The following CNNM4 variants were observed in gnomAD, a reference collection of about 807,000 sequenced individuals.
CNNM4 encodes cyclin and CBS domain divalent metal cation transport mediator 4.
Under a neutral mutation model 53.7 loss-of-function variants are expected in CNNM4, and 32 were observed. That is an observed-to-expected ratio of 0.60 (90% CI 0.45 to 0.80). The LOEUF is 0.80. Ranked by LOEUF, CNNM4 falls within the 30% of genes least tolerant of loss-of-function variation. The pLI, the probability that CNNM4 is intolerant of heterozygous loss-of-function variation, is 0.00. For synonymous variants in CNNM4, 410 were observed against 440.0 expected, an observed-to-expected ratio of 0.93 and a Z score of 0.85; for missense variants, 784 against 1,022.0, an observed-to-expected ratio of 0.77 and a Z score of 3.17.
intron 1 of CNNM4, among the ~76,000 whole-genome samples, chr2:96,771,888 G>A (rs758360225): frequency 1.3e-5 from 2 of 152,202 alleles, no homozygotes; most frequent in Non-Finnish European, 2.9e-5. Context: ...GTGCGCCTCT[G>A]CGGGAAGGTG....
intron 1 of CNNM4, among the ~76,000 whole-genome samples, chr2:96,769,110 G>A (rs940972398): frequency 6.6e-6 from 1 of 152,158 alleles, no homozygotes; most frequent in African/African-American, 2.4e-5. Context: ...AATTAGCTGG[G>A]TGTGGTGGTG....
chr2:96,777,614 C>A (rs1216833493), intron 1 of CNNM4, among the ~76,000 whole-genome samples: 1 of 152,126 alleles, frequency 6.6e-6, no homozygotes, highest in East Asian at 1.9e-4. Flanking sequence ...GATTCTCCTG[C>A]CTTAGCCTCC....
chr2:96,797,153 A>G lies in CNNM4; in HGVS notation c.1544A>G (p.Tyr515Cys), dbSNP rs377732004. Residue 515 changes from tyrosine to cysteine, a missense_variant and splice_region_variant, in exon 2 of 7, where the codon TAC (tyrosine) becomes TGC (cysteine). By Grantham distance (194) the Tyr-to-Cys change is radical. Transcript: ENST00000377075. The surrounding 1 kb of genome is among the most constrained non-coding windows in gnomAD (Gnocchi z 6.0). ...GAGATCCTGGACGAGTCCGACATGT[A>G]CAGTGAGTCCAGCCTTCCACAGGGC... ...KSEILDESDM[Y>C]TDNRSRKRVS... The G allele has an allele frequency of 1.9e-6, 3 of 1,614,032 alleles. No homozygotes were observed. Among genetic ancestry groups the G allele is most frequent in the Non-Finnish European group, 2.5e-6 (3 of 1,180,028 alleles).
At chr2:96,779,668 T>C (rs1183409841) in intron 1 of CNNM4, among the ~76,000 whole-genome samples, 1 of 152,186 alleles carries the variant, frequency 6.6e-6, no homozygotes, top group Non-Finnish European at 1.5e-5. Flanking sequence ...GTTGGCATAA[T>C]TGCAGTAACT....
At chr2:96,785,183 G>A (rs1370203980) in intron 1 of CNNM4, among the ~76,000 whole-genome samples, 4 of 152,070 alleles carry the variant, frequency 2.6e-5, no homozygotes, top group Admixed American at 1.3e-4. Flanking sequence ...CAGCATTTAC[G>A]GGGTATTCTA....
chr2:96,764,437 G>A lies in CNNM4; in HGVS notation c.1402+2036G>A, dbSNP rs533757010. On this transcript the variant is annotated intron_variant, in intron 1 of 6. Transcript: ENST00000377075. ...TGGTAAACCCAGGGAACTGCACACA[G>A]GCTGCCCAGCACAGCAGGCCGCCCT... 2.0e-5 allele frequency among the ~76,000 whole-genome samples: 3 copies of A among 152,302 alleles called. No homozygotes were observed. In the South Asian group the frequency reaches 6.2e-4, roughly 32 times the overall value.
intron 1 of CNNM4, among the ~76,000 whole-genome samples, chr2:96,792,832 C>T (rs1043207311): frequency 1.3e-5 from 2 of 151,790 alleles, no homozygotes; most frequent in African/African-American, 2.4e-5. Context: ...TCAGGCTCAC[C>T]GTCCCATGGG....
At chr2:96,776,758 A>C (rs1055473121) in intron 1 of CNNM4, among the ~76,000 whole-genome samples, 11 of 145,926 alleles carry the variant, frequency 7.5e-5, no homozygotes, top group African/African-American at 2.8e-4. Flanking sequence ...GATTACAGGC[A>C]TGAGCCACCA....
At position 96,801,246 on chromosome 2, in the gene CNNM4, G is replaced by A. The variant is rs561127495; in HGVS notation, c.1948+1598G>A. The A allele has an allele frequency of 2.9e-5, 15 of 515,576 alleles. No individual in the cohort carries two copies. The South Asian group carries it at 3.3e-4, about 11-fold the overall frequency. 31.9% of individuals were successfully genotyped at this position (515,576 alleles called of 1,614,324 possible). On this transcript the variant is annotated intron_variant, in intron 5 of 6. Transcript: ENST00000377075. The surrounding 1 kb of genome is among the most constrained non-coding windows in gnomAD (Gnocchi z 5.6). The stretch of plus-strand genomic sequence containing the variant: ...GACCCCCGCCTGCTCAATGTGGGCC[G>A]CCAGACCTCAGTGGCTCTGCTTGGC...
intron 1 of CNNM4, among the ~76,000 whole-genome samples, chr2:96,780,905 A>AT (rs533619617): frequency 0.032 from 3,797 of 117,000 alleles, 93 homozygotes; most frequent in African/African-American, 0.081. Context: ...CACCCAGCTA[A>AT]TTTTTTTTTT....
At chr2:96,774,385 G>T (rs1345895539) in intron 1 of CNNM4, among the ~76,000 whole-genome samples, 2 of 152,116 alleles carry the variant, frequency 1.3e-5, no homozygotes, top group Non-Finnish European at 2.9e-5. Flanking sequence ...CTGCGCTTCA[G>T]CCTGGGTGGC....
intron 1 of CNNM4, among the ~76,000 whole-genome samples, chr2:96,791,439 C>T (rs1228810247): frequency 6.6e-6 from 1 of 151,866 alleles, no homozygotes; most frequent in African/African-American, 2.4e-5. Flanking sequence ...CGAGACCAGC[C>T]TGGCCAACAT....
At chr2:96,796,905 C>A (rs1025369343) in intron 1 of CNNM4, 107 bp from the exon 2 acceptor site, 4 of 1,125,882 alleles carry the variant, frequency 3.6e-6, no homozygotes, top group South Asian at 1.3e-5. Context: ...ACCACCATGA[C>A]CCCATCCTGG....
At position 96,797,673 on chromosome 2, in the gene CNNM4, T is replaced by C. The variant is rs753964734; in HGVS notation, c.1681+26T>C. ...GTAGCATGAGGAGGACCTTCCGGTC[T>C]TGGTGGAAATACGGTCACGGGGGAG... On this transcript the variant is annotated intron_variant, in intron 3 of 6. Transcript: ENST00000377075. This position sits in a 1 kb window ranked among gnomAD's most constrained non-coding sequence, Gnocchi z 6.0. The C allele has an allele frequency of 7.4e-6, 12 of 1,613,050 alleles. No individual in the cohort carries two copies. Among genetic ancestry groups the C allele is most frequent in the East Asian group, 2.2e-5 (1 of 44,870 alleles).
chr2:96,778,346 A>G (rs1021728151), intron 1 of CNNM4, among the ~76,000 whole-genome samples: 1 of 151,596 alleles, frequency 6.6e-6, no homozygotes, highest in Admixed American at 6.6e-5. Context: ...TCACAAGGTC[A>G]GGAGTTCAAG....
intron 1 of CNNM4, among the ~76,000 whole-genome samples, chr2:96,777,892 G>A (rs895223408): frequency 6.6e-6 from 1 of 150,588 alleles, no homozygotes; most frequent in African/African-American, 2.4e-5. Flanking sequence ...TCTGAAACAG[G>A]ATCTTGCTTT....
chr2:96,782,273 G>A (rs1450517561), intron 1 of CNNM4, among the ~76,000 whole-genome samples: 2 of 152,074 alleles, frequency 1.3e-5, no homozygotes, highest in Non-Finnish European at 2.9e-5. Context: ...TTAGCTGAGT[G>A]TGGTGGCATG....
chr2:96,811,784 T>C lies in CNNM4; in HGVS notation c.*2267T>C, dbSNP rs2079260401. 1 of 152,678 alleles carries C rather than the reference T, an allele frequency of 6.5e-6. No homozygotes were observed. Among genetic ancestry groups the C allele is most frequent in the African/African-American group, 2.4e-5 (1 of 41,466 alleles). 9.5% of individuals were successfully genotyped at this position (152,678 alleles called of 1,614,324 possible). A position where few individuals can be genotyped will look rare whatever the true frequency, so the allele number is the denominator to read the frequency against. Reference sequence around the variant, plus strand: ...TCTCGGGGAGTTTTGTTGTTATGACTCTTGTGTCTTTTGTCACAAAACAAT... The same window carrying C: ...TCTCGGGGAGTTTTGTTGTTATGACCCTTGTGTCTTTTGTCACAAAACAAT... On this transcript the variant is annotated 3_prime_UTR_variant, in exon 7 of 7. Transcript: ENST00000377075.
At chr2:96,765,939 A>ACG in intron 1 of CNNM4, among the ~76,000 whole-genome samples, 1 of 149,174 alleles carries the variant, frequency 6.7e-6, no homozygotes, top group Middle Eastern at 3.5e-3. Context: ...GCCCGCCACC[A>ACG]CGCCCGGCTA....
Sources: allele counts gnomAD v4.1 joint callset (sites outside exome capture counted in the v4.1 genomes callset), GRCh38; gene constraint gnomAD v4.1.1; non-coding constraint Gnocchi (gnomAD v3.1); transcripts MANE v1.5; gene names NCBI Gene and HGNC (gene_info 2026-07-23, HGNC 2026-07-21).